FAM149A: variants seen among roughly 807,000 people sequenced by gnomAD.
FAM149A encodes family with sequence similarity 149 member A.
Under a neutral mutation model 78.2 loss-of-function variants are expected in FAM149A, and 71 were observed. The observed-to-expected ratio is 0.91, with a 90% CI of 0.75 to 1.11. FAM149A has a LOEUF of 1.11. FAM149A is among the 50% of genes least tolerant of loss of function. The probability of loss-of-function intolerance (pLI) is 0.00; values close to 1 mark genes in which losing one functional copy is unlikely to be tolerated. For synonymous variants in FAM149A, 446 were observed against 410.5 expected, an observed-to-expected ratio of 1.09 and a Z score of -1.04; for missense variants, 1,036 against 971.0, an observed-to-expected ratio of 1.07 and a Z score of -0.89.
chr4:186,160,956 A>G, intron 8 of FAM149A: 1 of 847,906 alleles, frequency 1.2e-6, no homozygotes, highest in Non-Finnish European at 1.4e-6. Flanking sequence ...TGAGGTAGGA[A>G]GCTGTGAGAA....
chr4:186,136,951 TC>T lies in FAM149A; in HGVS notation c.567-12221del, dbSNP rs2099323098. Reference sequence around the variant, plus strand: ...ACACTGATTGATCTCTCTCTCTCTCTCTCTCTCTCTCTTTCTCTCTCTCTTT... The same window carrying T: ...ACACTGATTGATCTCTCTCTCTCTCTTCTCTCTCTCTTTCTCTCTCTCTTT... On this transcript the variant is annotated intron_variant, in intron 1 of 13. Coordinates refer to ENST00000389354, the MANE Select transcript of FAM149A (RefSeq NM_001367768.3). Among the ~76,000 whole-genome samples, 12 of 121,616 alleles carry T rather than the reference TC, an allele frequency of 9.9e-5. No individual in the cohort carries two copies. The East Asian group carries it at 1.8e-3, about 18-fold the overall frequency. 79.8% of individuals were successfully genotyped at this position (121,616 alleles called of 152,430 possible).
intron 1 of FAM149A, among the ~76,000 whole-genome samples, chr4:186,130,314 T>A (rs10026250): frequency 0.065 from 7,601 of 116,206 alleles, 359 homozygotes; most frequent in South Asian, 0.08. Flanking sequence ...TATATATATA[T>A]AATCTATATC....
chr4:186,145,025 C>T (rs1297196097), intron 1 of FAM149A: 1 of 981,166 alleles, frequency 1.0e-6, no homozygotes, highest in African/African-American at 1.8e-5. Flanking sequence ...GGGGCCCGCG[C>T]GCGGTGCCTC....
At chr4:186,128,483 AACC>A (rs2099319307) in intron 1 of FAM149A, among the ~76,000 whole-genome samples, 1 of 151,826 alleles carries the variant, frequency 6.6e-6, no homozygotes, top group South Asian at 2.1e-4. Flanking sequence ...TAAAAAAAAA[AACC>A]AAAAAGAGCA....
intron 3 of FAM149A, among the ~76,000 whole-genome samples, chr4:186,150,662 G>A (rs77576927): frequency 0.41 from 58,453 of 141,284 alleles, 12,560 homozygotes; most frequent in East Asian, 0.5. Context: ...CTCGTGATCC[G>A]CCCGTCTCGG....
intron 1 of FAM149A, among the ~76,000 whole-genome samples, chr4:186,113,898 T>C (rs551346304): frequency 2.0e-4 from 30 of 152,278 alleles, no homozygotes; most frequent in African/African-American, 7.0e-4. Context: ...GTTCTGTATA[T>C]GTCTAATAGG....
Position 186,162,888 on chromosome 4 carries a change from T to A in FAM149A, c.1619T>A (p.Val540Asp). ...AGTTTTTATAGTGACATGAATGGTGTCATGACAATTCAAGCAAAACCGCTT... is the reference window on the plus strand; with the variant it reads ...AGTTTTTATAGTGACATGAATGGTGACATGACAATTCAAGCAAAACCGCTT... Residue 540 changes from valine to aspartate, a missense_variant, in exon 9 of 14, where the codon GTC becomes GAC. This residue lies in a region of FAM149A where 716 missense variants were observed against 711.8 expected (regional missense o/e 1.01). Coordinates refer to ENST00000389354, the MANE Select transcript of FAM149A (RefSeq NM_001367768.3). The A allele has an allele frequency of 1.2e-6, 2 of 1,607,686 alleles. No homozygotes were observed. The highest frequency in any genetic ancestry group is 1.7e-6 in the Non-Finnish European group (2 of 1,176,536).
chr4:186,157,589 T>G lies in FAM149A; in HGVS notation c.1445T>G (p.Leu482Trp). 1 of 1,614,188 alleles carries G rather than the reference T, an allele frequency of 6.2e-7. No homozygotes were observed. Among genetic ancestry groups the G allele is most frequent in the Non-Finnish European group, 8.5e-7 (1 of 1,179,982 alleles). The change falls in exon 8 of 14, where the codon TTG becomes TGG. Residue 482 changes from leucine to tryptophan, a missense_variant. Leu to Trp is a moderately conservative substitution (Grantham distance 61). Transcript: ENST00000389354. ...GAAGGGAAAAAACAGAGAGAAACAT[T>G]GAAAGTGGCTGGAAACAGATTTCCG...
chr4:186,106,722 C>T (rs577666336), intron 1 of FAM149A, among the ~76,000 whole-genome samples: 29 of 152,176 alleles, frequency 1.9e-4, no homozygotes, highest in Admixed American at 1.8e-3. Context: ...CCGAGGCGGG[C>T]GGATCATGAG....
At chr4:186,167,565 G>A (rs1735169337) in intron 13 of FAM149A, 4 of 393,034 alleles carry the variant, frequency 1.0e-5, no homozygotes, top group African/African-American at 4.1e-5. Flanking sequence ...ACCTCTGTCT[G>A]CTATAGCGTT....
rs748170777 is a variant in FAM149A at position 186,163,500 on chromosome 4, T to C, written c.1756T>C (p.Ser586Pro). Residue 586 changes from serine (S) to proline (P), a missense_variant, in exon 10 of 14, where the codon TCA becomes CCA. Transcript: ENST00000389354. ...CGCACCGCACAGACTGGGACGGGCC[T>C]CAGACACTCATGGATTATCACCTTC... 6 of 1,614,042 alleles carry C rather than the reference T, an allele frequency of 3.7e-6. No homozygotes were observed. Among genetic ancestry groups the C allele is most frequent in the Non-Finnish European group, 5.1e-6 (6 of 1,180,036 alleles).
chr4:186,108,788 T>C (rs1174781996), intron 1 of FAM149A, among the ~76,000 whole-genome samples: 1 of 152,176 alleles, frequency 6.6e-6, no homozygotes, highest in Non-Finnish European at 1.5e-5. Flanking sequence ...TCATTACCTC[T>C]TTTCATACTT....
Position 186,105,007 on chromosome 4 carries a change from C to A in FAM149A, c.-70C>A. ...CTCAGGCTCCTCGCCCCGGCCCGGGCCGCCTCGGCCGGATCTCCGCGGTCT... is the reference window on the plus strand; with the variant it reads ...CTCAGGCTCCTCGCCCCGGCCCGGGACGCCTCGGCCGGATCTCCGCGGTCT... On this transcript the variant is annotated 5_prime_UTR_variant, in exon 1 of 14. Transcript: ENST00000389354. 1.6e-6 allele frequency: 2 copies of A among 1,238,412 alleles called. No homozygotes were observed. Among genetic ancestry groups the A allele is most frequent in the South Asian group, 1.3e-5 (1 of 75,360 alleles). The allele number at this position is 1,238,412 out of a possible 1,614,324, so 76.7% of individuals were successfully genotyped here.
intron 1 of FAM149A, among the ~76,000 whole-genome samples, chr4:186,118,856 T>C (rs1344646781): frequency 1.3e-5 from 2 of 152,194 alleles, no homozygotes; most frequent in East Asian, 3.9e-4. Flanking sequence ...GAGCTTCCCA[T>C]TCTTATTCCT....
chr4:186,125,593 T>G, intron 1 of FAM149A: 1 of 609,580 alleles, frequency 1.6e-6, no homozygotes, highest in Non-Finnish European at 2.1e-6. Context: ...GCACACGAGG[T>G]AAAGGGAGAG....
At chr4:186,150,921 C>T (rs556294191) in intron 3 of FAM149A, 17 of 326,992 alleles carry the variant, frequency 5.2e-5, no homozygotes, top group African/African-American at 3.4e-4. Flanking sequence ...GGTGTTTCAC[C>T]ATGTTGGCCA....
intron 7 of FAM149A, 95 bp downstream of exon 7, chr4:186,156,285 G>T: frequency 2.3e-6 from 2 of 869,470 alleles, no homozygotes; most frequent in Non-Finnish European, 3.6e-6. Context: ...CCTAGAACGT[G>T]ACCAGTGAGA....
intron 1 of FAM149A, among the ~76,000 whole-genome samples, chr4:186,135,886 G>A (rs2126379080): frequency 6.6e-6 from 1 of 152,350 alleles, no homozygotes; most frequent in South Asian, 2.1e-4. Context: ...CCGCAGCGGG[G>A]AGCACGCAGT....
chr4:186,145,144 C>T, intron 1 of FAM149A: 2 of 985,608 alleles, frequency 2.0e-6, no homozygotes, highest in South Asian at 4.7e-5. Flanking sequence ...GGCTCGCCTT[C>T]TGGCCGCTCT....
Sources: gnomAD v4.1 joint callset for allele counts (sites outside exome capture counted in the v4.1 genomes callset) on GRCh38, gnomAD v4.1.1 for gene constraint, gnomAD v4.1.1 regional missense constraint, MANE v1.5 for transcripts, NCBI Gene and HGNC (gene_info 2026-07-23, HGNC 2026-07-21) for gene names.